HMBOX1: variants seen among roughly 807,000 people sequenced by gnomAD.
HMBOX1 encodes the protein homeobox containing 1.
Under a neutral mutation model 54.5 loss-of-function variants are expected in HMBOX1, and 14 were observed. The observed-to-expected ratio is 0.26, with a 90% CI of 0.17 to 0.40. The LOEUF (loss-of-function observed/expected upper bound fraction) is 0.40. HMBOX1 is among the 10% of genes least tolerant of loss of function. The pLI, the probability that HMBOX1 is intolerant of heterozygous loss-of-function variation, is 1.00. For missense variants in HMBOX1, 332 were observed against 514.4 expected (o/e 0.65, Z 3.43); for synonymous variants, 160 against 181.0 (o/e 0.88, Z 0.93).
intron 1 of HMBOX1, among the ~76,000 whole-genome samples, chr8:28,926,856 G>A (rs995993710): frequency 6.6e-6 from 1 of 152,170 alleles, no homozygotes; most frequent in African/African-American, 2.4e-5. Flanking sequence ...GTAAAAGAAG[G>A]TTTTAGTACT....
At chr8:28,926,618 A>T (rs945426364) in intron 1 of HMBOX1, among the ~76,000 whole-genome samples, 1 of 152,122 alleles carries the variant, frequency 6.6e-6, no homozygotes, top group Non-Finnish European at 1.5e-5. Context: ...GTATTGCCCT[A>T]GCTGGAGAGC....
chr8:28,917,084 A>T (rs1358892431), intron 1 of HMBOX1, among the ~76,000 whole-genome samples: 2 of 151,882 alleles, frequency 1.3e-5, no homozygotes, highest in East Asian at 3.9e-4. Flanking sequence ...AAAAAAAAAA[A>T]AGAATTACCT....
chr8:29,051,374 A>C lies in HMBOX1; in HGVS notation c.*219A>C, dbSNP rs1017387184. 5.6e-5 allele frequency: 36 copies of C among 638,512 alleles called. No individual in the cohort carries two copies. Among genetic ancestry groups the C allele is most frequent in the Non-Finnish European group, 9.3e-5 (33 of 356,690 alleles). 39.6% of individuals were successfully genotyped at this position (638,512 alleles called of 1,614,324 possible). A position where few individuals can be genotyped will look rare whatever the true frequency, so the allele number is the denominator to read the frequency against. ...GTAAATAATAACCAACCAACCAACC[A>C]AACTTCCCTCTCCCAGCCCCCGAGG... On this transcript the variant is annotated 3_prime_UTR_variant, in exon 10 of 10. Transcript: ENST00000287701.
chr8:28,928,412 A>T, intron 1 of HMBOX1, among the ~76,000 whole-genome samples: 1 of 152,196 alleles, frequency 6.6e-6, no homozygotes, highest in East Asian at 1.9e-4. Context: ...TCTATTGGGA[A>T]TGCAAATTGT....
chr8:28,898,525 T>C (rs1350776830), intron 1 of HMBOX1, among the ~76,000 whole-genome samples: 1 of 152,222 alleles, frequency 6.6e-6, no homozygotes, highest in Non-Finnish European at 1.5e-5. Flanking sequence ...CTAGACCTTG[T>C]GTGAATGGGA....
chr8:28,901,363 T>C (rs1813202979), intron 1 of HMBOX1, among the ~76,000 whole-genome samples: 1 of 152,194 alleles, frequency 6.6e-6, no homozygotes, highest in African/African-American at 2.4e-5. Flanking sequence ...TTTTCTCTCT[T>C]GTTAAAATTA....
At position 28,970,207 on chromosome 8, in the gene HMBOX1, G is replaced by A. The variant is rs750870275; in HGVS notation, c.188G>A (p.Arg63Lys). 6 of 1,614,108 alleles carry A rather than the reference G, an allele frequency of 3.7e-6. No homozygotes were observed. The East Asian group carries it at 1.1e-4, about 30-fold the overall frequency. The change falls in exon 3 of 10, where the codon AGA becomes AAA. Residue 63 changes from arginine (R) to lysine (K), a missense_variant. Coordinates refer to ENST00000287701, the MANE Select transcript of HMBOX1 (RefSeq NM_001135726.3). This position sits in a 1 kb window ranked among gnomAD's most constrained non-coding sequence, Gnocchi z 4.3. ...CAAGAGCATAGTGACAAGTTTGGAA[G>A]AAGGTCCAGCTATGGAGGAAGTTCA... Reference protein sequence around the residue: ...LDQEHSDKFGRRSSYGGSSYG... With the variant: ...LDQEHSDKFGKRSSYGGSSYG...
intron 1 of HMBOX1, among the ~76,000 whole-genome samples, chr8:28,932,927 T>G (rs1217610131): frequency 1.3e-5 from 2 of 152,210 alleles, no homozygotes; most frequent in African/African-American, 4.8e-5. Context: ...TAGATCATTT[T>G]CTTTACATGG....
chr8:28,905,415 T>C (rs1039800610), intron 1 of HMBOX1, among the ~76,000 whole-genome samples: 2 of 152,120 alleles, frequency 1.3e-5, no homozygotes, highest in Non-Finnish European at 2.9e-5. Flanking sequence ...CCTAAAAGCA[T>C]AATATAGTTT....
At chr8:28,933,444 G>A (rs1819841243) in intron 1 of HMBOX1, among the ~76,000 whole-genome samples, 1 of 152,098 alleles carries the variant, frequency 6.6e-6, no homozygotes, top group African/African-American at 2.4e-5. Context: ...TAAACAGAGG[G>A]AGTTAAATAC....
intron 1 of HMBOX1, among the ~76,000 whole-genome samples, chr8:28,922,539 T>G (rs949781297): frequency 2.6e-5 from 4 of 152,246 alleles, no homozygotes; most frequent in African/African-American, 4.8e-5. Flanking sequence ...ATGTTTTCTT[T>G]GTGGCTTATC....
At chr8:28,957,455 G>A (rs1304849618) in intron 1 of HMBOX1, among the ~76,000 whole-genome samples, 1 of 152,120 alleles carries the variant, frequency 6.6e-6, no homozygotes, top group East Asian at 1.9e-4. Context: ...TAACTGTTGG[G>A]TACTATGCCC....
At chr8:29,041,163 G>A (rs565828034) in intron 6 of HMBOX1, among the ~76,000 whole-genome samples, 50 of 152,224 alleles carry the variant, frequency 3.3e-4, no homozygotes, top group African/African-American at 1.2e-3. Context: ...AGCATATAAG[G>A]CAGAATGTCA....
intron 1 of HMBOX1, among the ~76,000 whole-genome samples, chr8:28,908,423 A>G (rs917003279): frequency 1.1e-4 from 16 of 152,242 alleles, no homozygotes; most frequent in Admixed American, 2.6e-4. Flanking sequence ...TTGAAAGTCT[A>G]TTTATAAAAA....
intron 6 of HMBOX1, among the ~76,000 whole-genome samples, chr8:29,044,268 A>C (rs2133347132): frequency 6.6e-6 from 1 of 152,304 alleles, no homozygotes; most frequent in Admixed American, 6.5e-5. Flanking sequence ...AGGGAAAGGG[A>C]AACCCCTGAA....
intron 6 of HMBOX1, among the ~76,000 whole-genome samples, chr8:29,042,354 A>G (rs1323890890): frequency 6.6e-6 from 1 of 152,222 alleles, no homozygotes; most frequent in Non-Finnish European, 1.5e-5. Flanking sequence ...AATGCTCAGA[A>G]CAGTGTACAA....
intron 1 of HMBOX1, among the ~76,000 whole-genome samples, chr8:28,897,957 G>A (rs1032676124): frequency 2.0e-5 from 3 of 152,290 alleles, no homozygotes; most frequent in African/African-American, 7.2e-5. Flanking sequence ...TAAAAGGGGA[G>A]GTTATGGTTA....
chr8:29,049,305 C>A lies in HMBOX1; in HGVS notation c.1125+257C>A, dbSNP rs981368633. The stretch of plus-strand genomic sequence containing the variant: ...CATACAACAGGATACTTGGCAAGTA[C>A]GCAATGGGGAGGAGGAGGAGGGAAG... On this transcript the variant is annotated intron_variant, in intron 9 of 9. Coordinates refer to ENST00000287701, the MANE Select transcript of HMBOX1 (RefSeq NM_001135726.3). The A allele has an allele frequency of 2.6e-6, 4 of 1,535,400 alleles. No homozygotes were observed. The Admixed American group carries it at 5.9e-5, about 23-fold the overall frequency.
chr8:29,002,777 G>A (rs1232354340), intron 4 of HMBOX1, among the ~76,000 whole-genome samples: 1 of 152,078 alleles, frequency 6.6e-6, no homozygotes, highest in Non-Finnish European at 1.5e-5. Context: ...TGTCTATAGT[G>A]TGGTTTCATT....
Sources: allele counts gnomAD v4.1 joint callset (sites outside exome capture counted in the v4.1 genomes callset), GRCh38; gene constraint gnomAD v4.1.1; non-coding constraint Gnocchi (gnomAD v3.1); transcripts MANE v1.5; gene names NCBI Gene and HGNC (gene_info 2026-07-23, HGNC 2026-07-21).